The following FAM13B variants were observed in gnomAD, a reference collection of about 807,000 sequenced individuals.
The protein encoded by FAM13B is family with sequence similarity 13 member B.
FAM13B carries 60 observed loss-of-function variants against 117.3 expected under a neutral mutation model. The ratio of observed to expected loss-of-function variants is 0.51; its 90% confidence interval spans 0.42 to 0.63. The LOEUF (loss-of-function observed/expected upper bound fraction) is 0.63. Ranked by LOEUF, FAM13B falls within the 30% of genes least tolerant of loss-of-function variation. The pLI, the probability that FAM13B is intolerant of heterozygous loss-of-function variation, is 0.00. For missense variants in FAM13B, 972 were observed against 1,091.9 expected (o/e 0.89, Z 1.55); for synonymous variants, 332 against 356.1 (o/e 0.93, Z 0.76).
In FAM13B at chr5:137,962,255, C is replaced by A. The variant is rs1173355795; in HGVS notation, c.1244+150G>T. ...CAAACATTTATGGGTATTTAATATC[C>A]TTTATGCCTACCATTATAACAAGAA... On this transcript the variant is annotated intron_variant, in intron 11 of 23. Transcript: ENST00000689681. 5 of 640,192 alleles carry A rather than the reference C, an allele frequency of 7.8e-6. No homozygotes were observed. In the Admixed American group the frequency reaches 1.2e-4, roughly 15 times the overall value. The allele number at this position is 640,192 out of a possible 1,614,324, so 39.7% of individuals were successfully genotyped here.
At chr5:137,973,067 C>G (rs948215570) in intron 10 of FAM13B, among the ~76,000 whole-genome samples, 2 of 152,178 alleles carry the variant, frequency 1.3e-5, no homozygotes, top group African/African-American at 4.8e-5. Flanking sequence ...CCATCCCCAT[C>G]AAGCTACCAA....
intron 2 of FAM13B, 61 bp downstream of exon 2, chr5:138,020,970 C>T (rs1324625633): frequency 4.4e-6 from 5 of 1,144,372 alleles, no homozygotes; most frequent in South Asian, 4.6e-5. Context: ...GCTACAGGGG[C>T]AAGTTCCAAA....
rs1768414166 is a variant in FAM13B, at chr5:137,962,484, A to C, written c.1180-15T>G. The C allele has an allele frequency of 6.2e-7, 1 of 1,609,872 alleles. No homozygotes were observed. Among genetic ancestry groups the C allele is most frequent in the Admixed American group, 1.7e-5 (1 of 59,324 alleles). On this transcript the variant is annotated splice_polypyrimidine_tract_variant and intron_variant, in intron 10 of 23. Transcript: ENST00000689681. Reference sequence around the variant, plus strand: ...ATACCTACAGACTGACAAAAAGAACACTACCATGTATTAATGGAGCTCCCA... The same window carrying C: ...ATACCTACAGACTGACAAAAAGAACCCTACCATGTATTAATGGAGCTCCCA...
intron 10 of FAM13B, among the ~76,000 whole-genome samples, chr5:137,967,268 G>A (rs1770297424): frequency 6.6e-6 from 1 of 152,200 alleles, no homozygotes. Flanking sequence ...GCTTATGCCT[G>A]TAATCCCAGC....
rs761119080 is a variant in FAM13B, at chr5:137,954,261, T to C, written c.1623A>G (p.Val541=). 5.0e-6 allele frequency: 8 copies of C among 1,613,954 alleles called. No homozygotes were observed. The highest frequency in any genetic ancestry group is 1.7e-5 in the Admixed American group (1 of 59,992). Residue 541 remains valine (V), a synonymous_variant, in exon 15 of 24, where the codon GTA becomes GTG. Coordinates refer to ENST00000689681, the MANE Select transcript of FAM13B (RefSeq NM_001385994.1). ...HHPLEEDCPP[V]LSHRSLDFGQ... ...CAAAATCTAAACTGCGGTGTGATAA[T>C]ACTGGAGGACAGTCCTCTTCCAAGG... is the stretch of plus-strand genomic sequence containing the variant.
At chr5:138,020,566 C>T (rs1439272956) in intron 2 of FAM13B, among the ~76,000 whole-genome samples, 1 of 152,086 alleles carries the variant, frequency 6.6e-6, no homozygotes, top group Non-Finnish European at 1.5e-5. Flanking sequence ...AAACACATTA[C>T]ACATTTATTA....
At chr5:138,029,008 G>C (rs569280191) in intron 1 of FAM13B, among the ~76,000 whole-genome samples, 1 of 151,790 alleles carries the variant, frequency 6.6e-6, no homozygotes, top group Admixed American at 6.6e-5. Flanking sequence ...GGACAAGAAC[G>C]AGACTTCGTC....
intron 4 of FAM13B, among the ~76,000 whole-genome samples, chr5:138,014,271 T>G (rs903560057): frequency 6.6e-6 from 1 of 152,172 alleles, no homozygotes; most frequent in African/African-American, 2.4e-5. Context: ...TTTTTTTCAG[T>G]GCTGAGTTCT....
chr5:138,032,298 A>G (rs1210402007), intron 1 of FAM13B, among the ~76,000 whole-genome samples: 5 of 152,188 alleles, frequency 3.3e-5, no homozygotes, highest in African/African-American at 9.7e-5. Flanking sequence ...TGAGCGATTT[A>G]AGGAAGTCCG....
At chr5:137,972,334 G>A (rs1362515653) in intron 10 of FAM13B, among the ~76,000 whole-genome samples, 1 of 151,976 alleles carries the variant, frequency 6.6e-6, no homozygotes, top group Non-Finnish European at 1.5e-5. Flanking sequence ...ATGTAATCCA[G>A]CATATAAACA....
Position 137,976,479 on chromosome 5 carries a change from C to A in FAM13B, c.1179+8778G>T, listed in dbSNP as rs1462770233. Among the ~76,000 whole-genome samples, 5 of 152,096 alleles carry A rather than the reference C, an allele frequency of 3.3e-5. No homozygotes were observed. The East Asian group carries it at 9.7e-4, about 29-fold the overall frequency. ...ATAAATCAGAGAAACTGTTGGAAAC[C>A]TAAATATAAGAACATATGAAGAAAA... On this transcript the variant is annotated intron_variant, in intron 10 of 23. Coordinates refer to ENST00000689681, the MANE Select transcript of FAM13B (RefSeq NM_001385994.1).
At chr5:138,017,553 T>C (rs1207840274) in intron 4 of FAM13B, among the ~76,000 whole-genome samples, 1 of 152,226 alleles carries the variant, frequency 6.6e-6, no homozygotes, top group Non-Finnish European at 1.5e-5. Context: ...TATAACTCTA[T>C]ATGCCAACTT....
chr5:138,035,056 AG>A (rs1393346410), upstream of FAM13B, among the ~76,000 whole-genome samples: 2 of 110,098 alleles, frequency 1.8e-5, no homozygotes, highest in Admixed American at 1.4e-4. Flanking sequence ...TCTGTCACTC[AG>A]GCTGGGGTCC....
intron 20 of FAM13B, among the ~76,000 whole-genome samples, chr5:137,943,921 T>C (rs564585439): frequency 6.6e-6 from 1 of 152,306 alleles, no homozygotes; most frequent in South Asian, 2.1e-4. Context: ...ATGTATAATT[T>C]GGTGGTTTTT....
chr5:138,051,542 G>C (rs970403541), intron 1 of FAM13B, among the ~76,000 whole-genome samples: 3 of 152,174 alleles, frequency 2.0e-5, no homozygotes, highest in Non-Finnish European at 4.4e-5. Context: ...AAGTGCGGTT[G>C]AGTGTTATGC....
In FAM13B at chr5:138,020,784, T is replaced by G. The variant is rs142651742; in HGVS notation, c.-36+247A>C. On this transcript the variant is annotated intron_variant, in intron 2 of 23. Coordinates refer to ENST00000689681, the MANE Select transcript of FAM13B (RefSeq NM_001385994.1). The stretch of plus-strand genomic sequence containing the variant: ...TCCACTGGATCAAGTGTATACCCAC[T>G]GGATCAAGAATGTCACAACATGACT... 2.9e-5 allele frequency: 6 copies of G among 208,274 alleles called. No homozygotes were observed. In the East Asian group the frequency reaches 6.2e-4, roughly 21 times the overall value. The allele number at this position is 208,274 out of a possible 1,614,324, so 12.9% of individuals were successfully genotyped here.
intron 1 of FAM13B, among the ~76,000 whole-genome samples, chr5:138,021,505 A>T (rs775249773): frequency 6.6e-5 from 10 of 151,966 alleles, no homozygotes; most frequent in Non-Finnish European, 1.0e-4. Flanking sequence ...ATGTGTGGAC[A>T]CCCTACCCCA....
chr5:137,996,768 T>TCTTTA (rs1395021362), intron 7 of FAM13B, among the ~76,000 whole-genome samples: 5 of 152,064 alleles, frequency 3.3e-5, no homozygotes, highest in African/African-American at 1.2e-4. Flanking sequence ...ATTTTTTGTA[T>TCTTTA]CTTTAGTACA....
At chr5:138,001,033 T>C (rs773143520) in intron 7 of FAM13B, among the ~76,000 whole-genome samples, 7 of 152,104 alleles carry the variant, frequency 4.6e-5, no homozygotes, top group Admixed American at 6.6e-5. Flanking sequence ...ATTTCTAATA[T>C]GGTAAATACC....
Sources: gnomAD v4.1 joint callset for allele counts (sites outside exome capture counted in the v4.1 genomes callset) on GRCh38, gnomAD v4.1.1 for gene constraint, MANE v1.5 for transcripts, NCBI Gene and HGNC (gene_info 2026-07-23, HGNC 2026-07-21) for gene names.